Variants in DNER observed in about 807,000 individuals in gnomAD.
The protein encoded by DNER is delta/notch like EGF repeat containing, also known as delta and Notch-like epidermal growth factor-related receptor.
A neutral mutation model predicts 78.2 loss-of-function variants in DNER; 33 were observed. That is an observed-to-expected ratio of 0.42 (90% CI 0.32 to 0.56). The LOEUF (loss-of-function observed/expected upper bound fraction) is 0.56, where lower values mean the gene tolerates loss of function less well. Among genes scored for constraint, DNER ranks in the 20% least tolerant of loss-of-function variants. The pLI, the probability that DNER is intolerant of heterozygous loss-of-function variation, is 0.11. For missense variants in DNER, 918 were observed against 975.3 expected (o/e 0.94, Z 0.78); for synonymous variants, 417 against 384.8 (o/e 1.08, Z -0.98).
At chr2:229,510,184 G>C (rs188881317) in intron 6 of DNER, among the ~76,000 whole-genome samples, 1 of 152,312 alleles carries the variant, frequency 6.6e-6, no homozygotes, top group East Asian at 1.9e-4. Context: ...GGGTGAGATA[G>C]GGCTGGAAAA....
chr2:229,543,958 C>T (rs564748662), intron 5 of DNER, among the ~76,000 whole-genome samples: 4 of 152,218 alleles, frequency 2.6e-5, no homozygotes, highest in East Asian at 3.9e-4. Context: ...ATAGCAGCAT[C>T]GACCATCATC....
Position 229,585,726 on chromosome 2 carries a change from A to C in DNER, c.847+132T>G. Reference sequence around the variant, plus strand: ...CCAGTTTTTATTCTAAAACCTTACCAAAGTGAAAGAAATAGCATTGATGGA... The same window carrying C: ...CCAGTTTTTATTCTAAAACCTTACCCAAGTGAAAGAAATAGCATTGATGGA... On this transcript the variant is annotated intron_variant, in intron 4 of 12. Coordinates refer to ENST00000341772, the MANE Select transcript of DNER (RefSeq NM_139072.4). 6.6e-6 allele frequency: 6 copies of C among 910,048 alleles called. No individual in the cohort carries two copies. In the South Asian group the frequency reaches 8.9e-5, roughly 13 times the overall value. 56.4% of individuals were successfully genotyped at this position (910,048 alleles called of 1,614,324 possible).
intron 4 of DNER, among the ~76,000 whole-genome samples, chr2:229,555,426 T>C (rs1392007521): frequency 6.6e-6 from 1 of 151,858 alleles, no homozygotes; most frequent in Non-Finnish European, 1.5e-5. Context: ...TACTCCTCCT[T>C]CTTCCAGTCT....
chr2:229,652,015 T>A (rs57923100), intron 1 of DNER, among the ~76,000 whole-genome samples: 1,800 of 152,202 alleles, frequency 0.012, 36 homozygotes, highest in African/African-American at 0.041. Context: ...GCATTTGACA[T>A]CCTAGCTATT....
intron 1 of DNER, among the ~76,000 whole-genome samples, chr2:229,709,837 T>C (rs1285410721): frequency 6.6e-6 from 1 of 152,140 alleles, no homozygotes; most frequent in East Asian, 1.9e-4. Flanking sequence ...TAAAATAAGC[T>C]TTACAAACAA....
intron 5 of DNER, among the ~76,000 whole-genome samples, chr2:229,530,745 C>T (rs1374135609): frequency 3.9e-5 from 6 of 152,218 alleles, no homozygotes; most frequent in Non-Finnish European, 5.9e-5. Flanking sequence ...CTCTCCTCTG[C>T]CGTGAACTTG....
At chr2:229,378,062 G>A (rs1692648228) in intron 11 of DNER, among the ~76,000 whole-genome samples, 1 of 152,130 alleles carries the variant, frequency 6.6e-6, no homozygotes, top group African/African-American at 2.4e-5. Context: ...AGGTCAAAAT[G>A]ACATTTCTGA....
At chr2:229,555,506 T>A (rs940777409) in intron 4 of DNER, among the ~76,000 whole-genome samples, 1 of 152,196 alleles carries the variant, frequency 6.6e-6, no homozygotes, top group Non-Finnish European at 1.5e-5. Context: ...TAGCCCACTC[T>A]GAGCTCTACC....
Position 229,440,549 on chromosome 2 carries a change from C to T in DNER, c.1486+6767G>A, listed in dbSNP as rs143640750. On this transcript the variant is annotated intron_variant, in intron 8 of 12. Coordinates refer to ENST00000341772, the MANE Select transcript of DNER (RefSeq NM_139072.4). ...TCCAATTTTTTCCCCTTTCTTTTTA[C>T]ACTCTCACCCTCTCCTATCTTGATG... 4.2e-3 allele frequency among the ~76,000 whole-genome samples: 645 copies of T among 152,286 alleles called. 1 individual carries two copies. Among genetic ancestry groups the T allele is most frequent in the African/African-American group, 0.015 (619 of 41,556 alleles).
At chr2:229,372,308 G>A (rs1300137638) in intron 11 of DNER, among the ~76,000 whole-genome samples, 1 of 152,228 alleles carries the variant, frequency 6.6e-6, no homozygotes, top group African/African-American at 2.4e-5. Context: ...TGCAGCAGGA[G>A]GACAGGAGAT....
intron 5 of DNER, among the ~76,000 whole-genome samples, chr2:229,538,787 C>T (rs910690491): frequency 3.3e-5 from 5 of 152,208 alleles, no homozygotes; most frequent in Admixed American, 6.5e-5. Context: ...GATCCACCCG[C>T]CTCAGCCTCC....
chr2:229,530,626 T>A (rs1175949463), intron 5 of DNER, among the ~76,000 whole-genome samples: 1 of 152,270 alleles, frequency 6.6e-6, no homozygotes, highest in East Asian at 1.9e-4. Flanking sequence ...ACTAAGCAGC[T>A]GCCGAATTCC....
chr2:229,534,133 C>T (rs1181115683), intron 5 of DNER, among the ~76,000 whole-genome samples: 1 of 152,012 alleles, frequency 6.6e-6, no homozygotes, highest in Non-Finnish European at 1.5e-5. Flanking sequence ...ATGAAACAGG[C>T]CAAGAGATTG....
At chr2:229,520,806 C>G (rs1696079903) in intron 5 of DNER, among the ~76,000 whole-genome samples, 1 of 152,170 alleles carries the variant, frequency 6.6e-6, no homozygotes, top group African/African-American at 2.4e-5. Flanking sequence ...AAGTCCCACT[C>G]CAGAGATTTA....
intron 7 of DNER, among the ~76,000 whole-genome samples, chr2:229,468,167 T>C (rs1694844023): frequency 6.6e-6 from 1 of 152,276 alleles, no homozygotes; most frequent in Non-Finnish European, 1.5e-5. Flanking sequence ...TCTTCATTCC[T>C]GGGCATGGGC....
intron 11 of DNER, among the ~76,000 whole-genome samples, chr2:229,367,367 G>A (rs192093139): frequency 1.0e-3 from 154 of 152,108 alleles, no homozygotes; most frequent in African/African-American, 3.3e-3. Context: ...TTGGGAGGCT[G>A]AGGCAGGTGG....
At chr2:229,585,534 C>A (rs1697479664) in intron 4 of DNER, among the ~76,000 whole-genome samples, 1 of 151,960 alleles carries the variant, frequency 6.6e-6, no homozygotes, top group South Asian at 2.1e-4. Context: ...ATGGTGGGTG[C>A]CTGTAGCCCC....
intron 1 of DNER, among the ~76,000 whole-genome samples, chr2:229,673,395 C>T (rs749610284): frequency 6.6e-6 from 1 of 152,184 alleles, no homozygotes. Flanking sequence ...ACCAACGTGG[C>T]CCCTTCCACA....
intron 1 of DNER, among the ~76,000 whole-genome samples, chr2:229,702,551 T>C (rs942343817): frequency 4.0e-5 from 6 of 151,776 alleles, no homozygotes; most frequent in Admixed American, 2.6e-4. Context: ...ATAATAATGA[T>C]GATGATGATT....
Sources: gnomAD v4.1 joint callset for allele counts (sites outside exome capture counted in the v4.1 genomes callset) on GRCh38, gnomAD v4.1.1 for gene constraint, MANE v1.5 for transcripts, NCBI Gene and HGNC (gene_info 2026-07-23, HGNC 2026-07-21) for gene names.